The following ERC2 variants were observed in gnomAD, a reference collection of about 807,000 sequenced individuals.
The protein encoded by ERC2 is ELKS/RAB6-interacting/CAST family member 2.
In ERC2, 42 loss-of-function variants were observed where a neutral mutation model predicts 114.8. The observed-to-expected ratio is 0.37, with a 90% confidence interval of 0.29 to 0.47. The LOEUF (loss-of-function observed/expected upper bound fraction) is 0.47. ERC2 is among the 20% of genes least tolerant of loss of function. The pLI is 0.99. For missense variants in ERC2, 939 were observed against 1,150.7 expected (o/e 0.82, Z 2.66); for synonymous variants, 454 against 425.5 (o/e 1.07, Z -0.82).
intron 2 of ERC2, among the ~76,000 whole-genome samples, chr3:56,299,340 G>A (rs1314489677): frequency 6.6e-6 from 1 of 151,736 alleles, no homozygotes; most frequent in Non-Finnish European, 1.5e-5. Context: ...GTGTTAGTCA[G>A]GATGGTCTCG....
At chr3:55,985,946 G>A in intron 12 of ERC2, 31 bp downstream of exon 12, 1 of 1,535,342 alleles carries the variant, frequency 6.5e-7, no homozygotes, top group Non-Finnish European at 8.7e-7. Flanking sequence ...AGGAGGGAAA[G>A]GCAGTTAGAA....
intron 9 of ERC2, 29 bp downstream of exon 9, chr3:56,010,420 A>G (rs763566619): frequency 6.8e-6 from 11 of 1,609,218 alleles, no homozygotes; most frequent in East Asian, 2.2e-5. Flanking sequence ...AGGACTATCA[A>G]TGTGGTTCAT....
chr3:55,913,049 G>A (rs972390733), intron 13 of ERC2, among the ~76,000 whole-genome samples: 3 of 152,028 alleles, frequency 2.0e-5, no homozygotes, highest in African/African-American at 7.2e-5. Flanking sequence ...ATAATGGTGT[G>A]ATCATAGCTC....
chr3:56,400,885 T>C (rs1028309457), intron 2 of ERC2, among the ~76,000 whole-genome samples: 2 of 152,194 alleles, frequency 1.3e-5, no homozygotes, highest in African/African-American at 4.8e-5. Context: ...TAAAAAGGGA[T>C]GCCAATGAGA....
chr3:55,527,582 T>A (rs910114666), intron 17 of ERC2, among the ~76,000 whole-genome samples: 15 of 152,136 alleles, frequency 9.9e-5, no homozygotes, highest in Admixed American at 3.3e-4. Flanking sequence ...GATAAGAGAA[T>A]CTGAAGTTCA....
chr3:55,600,454 T>C (rs926384429), intron 17 of ERC2, among the ~76,000 whole-genome samples: 2 of 152,192 alleles, frequency 1.3e-5, no homozygotes, highest in African/African-American at 4.8e-5. Flanking sequence ...CCCATAGAAG[T>C]ACCTCTCTGT....
At chr3:56,118,701 A>T (rs2079394641) in intron 6 of ERC2, among the ~76,000 whole-genome samples, 1 of 142,102 alleles carries the variant, frequency 7.0e-6, no homozygotes, top group Admixed American at 7.4e-5. Flanking sequence ...CAGTGGCGTG[A>T]TCTCGGCTCA....
intron 2 of ERC2, among the ~76,000 whole-genome samples, chr3:56,399,342 T>C (rs1355177051): frequency 2.6e-5 from 4 of 152,150 alleles, no homozygotes; most frequent in Non-Finnish European, 5.9e-5. Flanking sequence ...TTATTACACA[T>C]GCAGGGAAGG....
In ERC2 at chr3:55,932,284, A is replaced by G. The variant is rs540152299; in HGVS notation, c.2403+18141T>C. On this transcript the variant is annotated intron_variant, in intron 13 of 17. Transcript: ENST00000288221. ...TTATGTCTGTTAAAGTATTTTAAAG[A>G]ATTTCTATGTACCGAGAAGAACTTT... Among the ~76,000 whole-genome samples the G allele has an allele frequency of 2.0e-5, 3 of 152,336 alleles. No homozygotes were observed. In the East Asian group the frequency reaches 5.8e-4, roughly 29 times the overall value.
At chr3:56,456,944 T>G (rs1209323622) in intron 1 of ERC2, among the ~76,000 whole-genome samples, 1 of 136,420 alleles carries the variant, frequency 7.3e-6, no homozygotes, top group Non-Finnish European at 1.6e-5. Flanking sequence ...TGTACAAAAG[T>G]GTAAATCATA....
At chr3:56,047,772 G>A (rs996385196) in intron 7 of ERC2, among the ~76,000 whole-genome samples, 13 of 152,172 alleles carry the variant, frequency 8.5e-5, no homozygotes, top group South Asian at 2.1e-4. Context: ...AGGCTCTCCC[G>A]TAGATTTCCT....
intron 6 of ERC2, among the ~76,000 whole-genome samples, chr3:56,113,737 C>A (rs1023841612): frequency 2.6e-5 from 4 of 152,168 alleles, no homozygotes; most frequent in Non-Finnish European, 4.4e-5. Context: ...GACTGCCCCC[C>A]ACCCTCCCAC....
At chr3:56,187,298 T>G (rs1404829200) in intron 3 of ERC2, among the ~76,000 whole-genome samples, 1 of 152,164 alleles carries the variant, frequency 6.6e-6, no homozygotes, top group African/African-American at 2.4e-5. Flanking sequence ...TCACAGCCAC[T>G]GGAGGATGGG....
chr3:55,832,445 T>C (rs1228772587), intron 14 of ERC2, among the ~76,000 whole-genome samples: 1 of 152,208 alleles, frequency 6.6e-6, no homozygotes, highest in Non-Finnish European at 1.5e-5. Flanking sequence ...GCATTCACGG[T>C]TCACGAAAAT....
intron 7 of ERC2, among the ~76,000 whole-genome samples, chr3:56,060,180 A>G (rs1044665453): frequency 1.3e-5 from 2 of 152,234 alleles, no homozygotes; most frequent in African/African-American, 4.8e-5. Context: ...TGTTTGCTCA[A>G]TGAACACACA....
At chr3:55,775,660 G>A (rs890905333) in intron 14 of ERC2, among the ~76,000 whole-genome samples, 3 of 152,142 alleles carry the variant, frequency 2.0e-5, no homozygotes, top group African/African-American at 7.2e-5. Flanking sequence ...AGGAGAGATA[G>A]ATAATATGAA....
intron 13 of ERC2, among the ~76,000 whole-genome samples, chr3:55,893,272 T>C (rs1251459405): frequency 2.0e-5 from 3 of 152,150 alleles, no homozygotes; most frequent in Non-Finnish European, 1.5e-5. Flanking sequence ...TTTTGCAAAT[T>C]ACTCATCTTC....
At chr3:56,151,616 G>A (rs761191315) in intron 4 of ERC2, among the ~76,000 whole-genome samples, 13 of 152,144 alleles carry the variant, frequency 8.5e-5, no homozygotes, top group Non-Finnish European at 1.3e-4. Flanking sequence ...CATGTCTACC[G>A]CTTTTCAACT....
chr3:55,980,001 A>T (rs555023831), intron 12 of ERC2, among the ~76,000 whole-genome samples: 5 of 147,972 alleles, frequency 3.4e-5, no homozygotes, highest in African/African-American at 1.2e-4. Context: ...TCTTCAAGGG[A>T]AAATTTATTC....
Sources: allele counts gnomAD v4.1 joint callset (sites outside exome capture counted in the v4.1 genomes callset), GRCh38; gene constraint gnomAD v4.1.1; transcripts MANE v1.5; gene names NCBI Gene and HGNC (gene_info 2026-07-23, HGNC 2026-07-21).